CCDC18: variants seen among roughly 807,000 people sequenced by gnomAD.
The protein encoded by CCDC18 is coiled-coil domain-containing protein 18.
Under a neutral mutation model 196.0 loss-of-function variants are expected in CCDC18, and 157 were observed. The observed-to-expected ratio is 0.80, with a 90% CI of 0.70 to 0.91. The LOEUF is 0.91. CCDC18 is among the 40% of genes least tolerant of loss of function. The pLI, the probability that CCDC18 is intolerant of heterozygous loss-of-function variation, is 0.00. For missense variants in CCDC18, 1,465 were observed against 1,611.6 expected (o/e 0.91, Z 1.56); for synonymous variants, 482 against 529.2 (o/e 0.91, Z 1.22).
chr1:93,214,685 A>T, intron 11 of CCDC18, 58 bp from the exon 12 acceptor site: 1 of 1,194,330 alleles, frequency 8.4e-7, no homozygotes, highest in Non-Finnish European at 1.2e-6. Context: ...TCAACTATTT[A>T]AGTAGGTTTT....
chr1:93,224,994 A>G (rs546047501), intron 16 of CCDC18, among the ~76,000 whole-genome samples: 20 of 152,374 alleles, frequency 1.3e-4, no homozygotes, highest in African/African-American at 4.6e-4. Flanking sequence ...TATACAGACT[A>G]TAAGGGTGGT....
chr1:93,231,462 G>A (rs1238721778), intron 17 of CCDC18, among the ~76,000 whole-genome samples: 1 of 151,932 alleles, frequency 6.6e-6, no homozygotes, highest in African/African-American at 2.4e-5. Flanking sequence ...TTAAATGGTT[G>A]CACATTTTAA....
chr1:93,214,322 C>G (rs989829926), intron 11 of CCDC18, among the ~76,000 whole-genome samples: 2 of 152,076 alleles, frequency 1.3e-5, no homozygotes, highest in African/African-American at 2.4e-5. Flanking sequence ...AGCTTTTGAA[C>G]CTGCTTCTGT....
chr1:93,256,493 GCT>G lies in CCDC18; in HGVS notation c.3506_3507del (p.Ser1169Ter). On this transcript the variant is annotated frameshift_variant, in exon 25 of 29. Coordinates refer to ENST00000690025, the MANE Select transcript of CCDC18 (RefSeq NM_001378204.1). LOFTEE classifies it high-confidence loss of function. ...TCCAAGCACAGAGAGAAATAGAAAG[GCT>G]CTCTAGTGAACTGGAGGATATGAAG... ...QVQAQREIERLSSELEDMKQL... is the reference protein window; with the variant it reads ...QVQAQREIERXSSELEDMKQL... The G allele has an allele frequency of 6.2e-7, 1 of 1,613,974 alleles. No individual in the cohort carries two copies. Among genetic ancestry groups the G allele is most frequent in the Non-Finnish European group, 8.5e-7 (1 of 1,179,938 alleles).
intron 4 of CCDC18, chr1:93,191,104 TGGAGCAATTGAG>T (rs1386073211): frequency 4.2e-6 from 2 of 475,088 alleles, no homozygotes; most frequent in African/African-American, 2.1e-5. Context: ...TTTTTTTTTT[TGGAGCAATTGAG>T]TTTCTCCAGC....
At chr1:93,226,312 T>TTTTCTTTTTTTTC in intron 16 of CCDC18, 21 bp from the exon 17 acceptor site, 1 of 933,492 alleles carries the variant, frequency 1.1e-6, no homozygotes, top group South Asian at 1.9e-5. Flanking sequence ...TTTTTTTTTT[T>TTTTCTTTTTTTTC]TTGCTTTTTT....
intron 19 of CCDC18, among the ~76,000 whole-genome samples, chr1:93,237,241 CCTT>C (rs1219804215): frequency 6.6e-6 from 1 of 152,204 alleles, no homozygotes; most frequent in Admixed American, 6.5e-5. Flanking sequence ...GTATTTCACA[CCTT>C]CTTTCTTCCA....
At chr1:93,238,415 G>A (rs1157174668) in intron 19 of CCDC18, among the ~76,000 whole-genome samples, 1 of 151,782 alleles carries the variant, frequency 6.6e-6, no homozygotes, top group Non-Finnish European at 1.5e-5. Flanking sequence ...CTGTTTCAGG[G>A]GTTTTATAGT....
chr1:93,201,919 A>C lies in CCDC18; in HGVS notation c.726A>C (p.Leu242=), dbSNP rs764931902. The change falls in exon 7 of 29, where the codon CTA becomes CTC. Residue 242 remains leucine (L), a synonymous_variant. Transcript: ENST00000690025. ...CTGAACGACAAAGGAATGAAGCACT[A>C]TATAATGCCGAAGAGCTGAGTAAAG... is the stretch of plus-strand genomic sequence containing the variant. ...KRAERQRNEA[L]YNAEELSKAF... 3.7e-6 allele frequency: 6 copies of C among 1,606,382 alleles called. No homozygotes were observed. Among genetic ancestry groups the C allele is most frequent in the African/African-American group, 1.3e-5 (1 of 74,618 alleles).
At chr1:93,254,940 G>GTTT (rs1662735800) in intron 24 of CCDC18, among the ~76,000 whole-genome samples, 2 of 82,116 alleles carry the variant, frequency 2.4e-5, no homozygotes, top group Non-Finnish European at 5.0e-5. Context: ...TGAGGAGTCA[G>GTTT]CTTTTTTTTT....
At chr1:93,272,814 G>A (rs1446773179) in intron 28 of CCDC18, among the ~76,000 whole-genome samples, 4 of 152,202 alleles carry the variant, frequency 2.6e-5, no homozygotes, top group Non-Finnish European at 5.9e-5. Flanking sequence ...TAACATAAGA[G>A]AGAAAACAGC....
chr1:93,257,190 C>T lies in CCDC18; in HGVS notation c.3546+652C>T, dbSNP rs544049052. ...GAAGTTGCAGTGAGCTGAAGTCGTG[C>T]CACTGCACCCCAGCCTGGGCGACAG... On this transcript the variant is annotated intron_variant, in intron 25 of 28. Coordinates refer to ENST00000690025, the MANE Select transcript of CCDC18 (RefSeq NM_001378204.1). 5.5e-4 allele frequency among the ~76,000 whole-genome samples: 78 copies of T among 140,892 alleles called. 1 individual carries two copies. Among genetic ancestry groups the T allele is most frequent in the African/African-American group, 2.1e-3 (78 of 37,320 alleles). The allele number at this position is 140,892 out of a possible 152,430, so 92.4% of individuals were successfully genotyped here.
intron 21 of CCDC18, among the ~76,000 whole-genome samples, chr1:93,244,125 G>T (rs113114581): frequency 0.089 from 13,479 of 152,212 alleles, 673 homozygotes; most frequent in African/African-American, 0.13. Flanking sequence ...GGCTGGGGAG[G>T]CCTCACAATC....
chr1:93,238,792 C>T (rs1040388042), intron 19 of CCDC18, among the ~76,000 whole-genome samples: 2 of 152,126 alleles, frequency 1.3e-5, no homozygotes, highest in African/African-American at 2.4e-5. Flanking sequence ...AGACAACTCA[C>T]CTAGTCTTCA....
chr1:93,226,364 G>T lies in CCDC18; in HGVS notation c.2207G>T (p.Cys736Phe), dbSNP rs199690279. Residue 736 changes from cysteine to phenylalanine, a missense_variant, in exon 17 of 29, where the codon TGT becomes TTT. By Grantham distance (205) the Cys-to-Phe change is radical (BLOSUM62 -2). Coordinates refer to ENST00000690025, the MANE Select transcript of CCDC18 (RefSeq NM_001378204.1). ...VRQLDSALEI[C>F]KEELVLHLNQ... Reference sequence around the variant, plus strand: ...CAACTAGATTCAGCATTGGAAATTTGTAAGGAAGAACTTGTCTTGCATTTG... The same window carrying T: ...CAACTAGATTCAGCATTGGAAATTTTTAAGGAAGAACTTGTCTTGCATTTG... The T allele has an allele frequency of 4.7e-5, 71 of 1,515,564 alleles. No homozygotes were observed. Among genetic ancestry groups the T allele is most frequent in the Non-Finnish European group, 6.3e-5 (71 of 1,119,762 alleles). The allele number at this position is 1,515,564 out of a possible 1,614,324, so 93.9% of individuals were successfully genotyped here.
intron 4 of CCDC18, 123 bp from the exon 5 acceptor site, chr1:93,191,876 CT>C: frequency 1.6e-6 from 1 of 632,404 alleles, no homozygotes; most frequent in Admixed American, 2.9e-5. Flanking sequence ...AGATGGGAAG[CT>C]TTATATCTGA....
chr1:93,269,072 T>C (rs1372686594), intron 27 of CCDC18, among the ~76,000 whole-genome samples: 3 of 151,978 alleles, frequency 2.0e-5, no homozygotes, highest in African/African-American at 4.8e-5. Context: ...GTGGCACATA[T>C]ACACCATGGA....
At chr1:93,246,987 A>G (rs1661573076) in intron 23 of CCDC18, 33 bp downstream of exon 23, 1 of 921,896 alleles carries the variant, frequency 1.1e-6, no homozygotes, top group Non-Finnish European at 1.7e-6. Flanking sequence ...ATTTTAAATT[A>G]TTTTTTAAAA....
chr1:93,200,713 T>C (rs1312096254), intron 6 of CCDC18, among the ~76,000 whole-genome samples: 1 of 152,212 alleles, frequency 6.6e-6, no homozygotes, highest in East Asian at 1.9e-4. Flanking sequence ...GAAGATTCAT[T>C]AAAACGTGAT....
Sources: allele counts gnomAD v4.1 joint callset (sites outside exome capture counted in the v4.1 genomes callset), GRCh38; gene constraint gnomAD v4.1.1; transcripts MANE v1.5; gene names NCBI Gene and HGNC (gene_info 2026-07-23, HGNC 2026-07-21).